UBE3D: variants seen among roughly 807,000 people sequenced by gnomAD.
UBE3D encodes ubiquitin protein ligase E3D, also known as E3 ubiquitin-protein ligase E3D.
UBE3D carries 48 observed loss-of-function variants against 49.6 expected under a neutral mutation model. That is an observed-to-expected ratio of 0.97 (90% confidence interval 0.77 to 1.23). The LOEUF is 1.23. UBE3D is among the 50% of genes most tolerant of loss of function. The pLI, the probability that UBE3D is intolerant of heterozygous loss-of-function variation, is 0.00. For missense variants in UBE3D, 452 were observed against 468.4 expected (o/e 0.96, Z 0.32); for synonymous variants, 189 against 174.2 (o/e 1.08, Z -0.67).
chr6:83,031,761 A>G (rs1781888500), intron 5 of UBE3D, among the ~76,000 whole-genome samples: 1 of 152,286 alleles, frequency 6.6e-6, no homozygotes, highest in East Asian at 1.9e-4. Flanking sequence ...TAGAGGGAAA[A>G]AATGGTTTCC....
chr6:82,956,876 C>G lies in UBE3D; in HGVS notation c.1149+436G>C, dbSNP rs1054973239. Among the ~76,000 whole-genome samples the G allele has an allele frequency of 3.3e-5, 5 of 152,120 alleles. No homozygotes were observed. In the East Asian group the frequency reaches 9.6e-4, roughly 29 times the overall value. On this transcript the variant is annotated intron_variant, in intron 9 of 9. Transcript: ENST00000369747. ...GATGCGGTGGCTCATGCCAGTAATC[C>G]CAGCACTTTGGGAGGCTGAGGCACG...
intron 8 of UBE3D, among the ~76,000 whole-genome samples, chr6:83,012,266 C>A (rs1225914518): frequency 6.6e-6 from 1 of 152,200 alleles, no homozygotes; most frequent in East Asian, 1.9e-4. Context: ...CCACTGAGGA[C>A]AAACCTCTGC....
Position 82,892,632 on chromosome 6 carries a change from G to A in UBE3D, c.*390C>T, listed in dbSNP as rs144698009. The A allele has an allele frequency of 2.0e-3, 385 of 195,582 alleles. 3 individuals are homozygous for A. Among genetic ancestry groups the A allele is most frequent in the African/African-American group, 8.7e-3 (370 of 42,646 alleles). The allele number at this position is 195,582 out of a possible 1,614,324, so 12.1% of individuals were successfully genotyped here. A position where few individuals can be genotyped will look rare whatever the true frequency, so the allele number is the denominator to read the frequency against. ...AAAAGTTTATTTCCTAGGATTTACA[G>A]CAGTTAACATTCAGTTCCACCAATA... On this transcript the variant is annotated 3_prime_UTR_variant, in exon 10 of 10. Coordinates refer to ENST00000369747, the MANE Select transcript of UBE3D (RefSeq NM_198920.3).
At chr6:82,974,311 G>T (rs1777558743) in intron 8 of UBE3D, among the ~76,000 whole-genome samples, 1 of 152,088 alleles carries the variant, frequency 6.6e-6, no homozygotes, top group Non-Finnish European at 1.5e-5. Context: ...TACAGTGTAT[G>T]TGTGTACAGT....
In UBE3D at chr6:82,977,833, C is replaced by T. The variant is rs897727517; in HGVS notation, c.1011-20383G>A. On this transcript the variant is annotated intron_variant, in intron 8 of 9. Coordinates refer to ENST00000369747, the MANE Select transcript of UBE3D (RefSeq NM_198920.3). ...AGCCTAGGCAACAAGAGCAAAACTC[C>T]GTCTCAAAAAACAACAACAACAAAA... Among the ~76,000 whole-genome samples, 17 of 152,004 alleles carry T rather than the reference C, an allele frequency of 1.1e-4. No homozygotes were observed. The South Asian group carries it at 1.2e-3, about 11-fold the overall frequency.
At chr6:82,911,057 A>C (rs1772467865) in intron 9 of UBE3D, among the ~76,000 whole-genome samples, 1 of 152,174 alleles carries the variant, frequency 6.6e-6, no homozygotes, top group African/African-American at 2.4e-5. Context: ...CAGCAGTCTA[A>C]AAATAATTAA....
chr6:83,064,245 GAC>G (rs1431229421), intron 1 of UBE3D, among the ~76,000 whole-genome samples: 1 of 151,852 alleles, frequency 6.6e-6, no homozygotes, highest in Non-Finnish European at 1.5e-5. Context: ...TATTTTTTGA[GAC>G]GGAGTCTCTT....
intron 8 of UBE3D, among the ~76,000 whole-genome samples, chr6:82,985,658 G>A (rs1184141386): frequency 6.6e-6 from 1 of 152,082 alleles, no homozygotes; most frequent in Non-Finnish European, 1.5e-5. Context: ...CACTGCACCC[G>A]GCCATGTGGT....
intron 8 of UBE3D, among the ~76,000 whole-genome samples, chr6:82,964,100 C>T (rs1178787478): frequency 6.6e-6 from 1 of 152,108 alleles, no homozygotes; most frequent in African/African-American, 2.4e-5. Context: ...GACCAAAATA[C>T]AAGTAGAGGA....
intron 4 of UBE3D, 145 bp from the exon 5 acceptor site, chr6:83,038,630 T>C (rs2127805403): frequency 1.5e-6 from 1 of 685,896 alleles, no homozygotes; most frequent in Non-Finnish European, 2.3e-6. Flanking sequence ...TTAGCTTGTA[T>C]GCATAATTCA....
chr6:83,039,539 A>G (rs913474244), intron 4 of UBE3D, among the ~76,000 whole-genome samples: 1 of 152,186 alleles, frequency 6.6e-6, no homozygotes, highest in Admixed American at 6.5e-5. Flanking sequence ...GCTTCTGAAC[A>G]CTATGCTAAG....
chr6:82,887,395 T>TTTTGTTTTGTTTTG (rs1562053882), downstream of UBE3D, among the ~76,000 whole-genome samples: 361 of 70,436 alleles, frequency 5.1e-3, 10 homozygotes, highest in African/African-American at 0.033. Context: ...AACAGTTTTT[T>TTTTGTTTTGTTTTG]TTTTTTTTTT....
chr6:82,909,259 T>C (rs2127724347), intron 9 of UBE3D, among the ~76,000 whole-genome samples: 2 of 152,304 alleles, frequency 1.3e-5, no homozygotes, highest in South Asian at 2.1e-4. Flanking sequence ...TACTATTAAC[T>C]CTGATGTTTG....
chr6:82,998,978 T>C (rs1779430507), intron 8 of UBE3D, among the ~76,000 whole-genome samples: 1 of 152,160 alleles, frequency 6.6e-6, no homozygotes. Context: ...AAATGGGCAA[T>C]GAACTATGCC....
At chr6:83,055,657 G>A (rs1393935776) in intron 2 of UBE3D, among the ~76,000 whole-genome samples, 2 of 152,142 alleles carry the variant, frequency 1.3e-5, no homozygotes, top group African/African-American at 2.4e-5. Flanking sequence ...AATCTAATGC[G>A]TGTGCTCTAA....
At chr6:82,927,216 T>TC (rs1773821025) in intron 9 of UBE3D, among the ~76,000 whole-genome samples, 1 of 151,456 alleles carries the variant, frequency 6.6e-6, no homozygotes, top group Admixed American at 6.6e-5. Flanking sequence ...TATTTGTCTT[T>TC]TTTTTTTTTT....
intron 3 of UBE3D, among the ~76,000 whole-genome samples, chr6:83,052,446 C>T (rs1199531043): frequency 6.6e-6 from 1 of 152,136 alleles, no homozygotes; most frequent in Non-Finnish European, 1.5e-5. Flanking sequence ...TGAGAGAAGG[C>T]TCATAACAGT....
At chr6:83,060,744 G>T (rs1784120347) in intron 1 of UBE3D, among the ~76,000 whole-genome samples, 1 of 152,082 alleles carries the variant, frequency 6.6e-6, no homozygotes, top group Non-Finnish European at 1.5e-5. Flanking sequence ...AGAAATCAAA[G>T]AATGACAGGT....
chr6:83,015,360 T>G (rs1562187223), intron 8 of UBE3D, among the ~76,000 whole-genome samples: 2 of 152,108 alleles, frequency 1.3e-5, no homozygotes, highest in Non-Finnish European at 2.9e-5. Context: ...AGAGATCAGG[T>G]ATTTCCAGCT....
Sources: allele counts gnomAD v4.1 joint callset (sites outside exome capture counted in the v4.1 genomes callset), GRCh38; gene constraint gnomAD v4.1.1; transcripts MANE v1.5; gene names NCBI Gene and HGNC (gene_info 2026-07-23, HGNC 2026-07-21).